Variants in NUBPL observed in about 807,000 individuals in gnomAD.
The protein encoded by NUBPL is iron-sulfur cluster transfer protein NUBPL.
NUBPL carries 31 observed loss-of-function variants against 45.7 expected under a neutral mutation model. That is an observed-to-expected ratio of 0.68 (90% CI 0.51 to 0.92). The LOEUF (loss-of-function observed/expected upper bound fraction) is 0.92, where lower values mean the gene tolerates loss of function less well. NUBPL is among the 40% of genes least tolerant of loss of function. The pLI is 0.00. For missense variants in NUBPL, 401 were observed against 398.7 expected (o/e 1.01, Z -0.05); for synonymous variants, 144 against 140.9 (o/e 1.02, Z -0.15).
chr14:31,652,683 T>G (rs2036039246), intron 4 of NUBPL, among the ~76,000 whole-genome samples: 1 of 152,160 alleles, frequency 6.6e-6, no homozygotes, highest in Non-Finnish European at 1.5e-5. Context: ...AAAACCAAAA[T>G]TTATAAAACC....
At chr14:31,818,407 A>G (rs780188819) in intron 7 of NUBPL, among the ~76,000 whole-genome samples, 4 of 152,162 alleles carry the variant, frequency 2.6e-5, no homozygotes, top group Non-Finnish European at 4.4e-5. Context: ...TAGCCTTCCA[A>G]AGTTCACATG....
At chr14:31,785,644 T>C (rs567734998) in intron 6 of NUBPL, among the ~76,000 whole-genome samples, 1 of 152,264 alleles carries the variant, frequency 6.6e-6, no homozygotes, top group South Asian at 2.1e-4. Context: ...ACTTCCTGAT[T>C]TGTTTGTCTG....
At chr14:31,684,210 G>C (rs1349967904) in intron 6 of NUBPL, among the ~76,000 whole-genome samples, 1 of 152,150 alleles carries the variant, frequency 6.6e-6, no homozygotes, top group Admixed American at 6.5e-5. Flanking sequence ...GTTGATGGTA[G>C]TTACCTCATC....
chr14:31,638,992 T>C (rs923271649), intron 4 of NUBPL, among the ~76,000 whole-genome samples: 1 of 152,186 alleles, frequency 6.6e-6, no homozygotes, highest in Non-Finnish European at 1.5e-5. Flanking sequence ...TTGTCTAAAT[T>C]TTTTTTCAAA....
chr14:31,755,998 CAG>C (rs755896098), intron 6 of NUBPL, among the ~76,000 whole-genome samples: 2 of 152,080 alleles, frequency 1.3e-5, no homozygotes, highest in Non-Finnish European at 2.9e-5. Flanking sequence ...TGTCAAAGAT[CAG>C]ATAGTTGTAG....
intron 7 of NUBPL, among the ~76,000 whole-genome samples, chr14:31,817,567 C>T (rs548746006): frequency 3.9e-5 from 6 of 152,238 alleles, no homozygotes; most frequent in Admixed American, 6.5e-5. Context: ...AATTTCATAT[C>T]GAGCCAAACT....
At chr14:31,806,911 G>C (rs188257752) in intron 7 of NUBPL, among the ~76,000 whole-genome samples, 1 of 152,178 alleles carries the variant, frequency 6.6e-6, no homozygotes, top group East Asian at 1.9e-4. Flanking sequence ...TCTGAATGAT[G>C]GTTTCTAGTT....
chr14:31,837,740 C>T (rs1010368156), intron 8 of NUBPL, among the ~76,000 whole-genome samples: 4 of 151,956 alleles, frequency 2.6e-5, no homozygotes, highest in East Asian at 1.9e-4. Flanking sequence ...GCAAGAGACC[C>T]GAGCAGGCAC....
At chr14:31,643,287 T>C (rs1304447651) in intron 4 of NUBPL, among the ~76,000 whole-genome samples, 1 of 152,174 alleles carries the variant, frequency 6.6e-6, no homozygotes, top group African/African-American at 2.4e-5. Context: ...ATGTTAGCTG[T>C]GGGTTATACG....
At chr14:31,681,786 A>G (rs1185837685) in intron 6 of NUBPL, among the ~76,000 whole-genome samples, 2 of 152,080 alleles carry the variant, frequency 1.3e-5, no homozygotes, top group African/African-American at 4.8e-5. Context: ...TCTTTTGCCT[A>G]CAAATATTTT....
intron 3 of NUBPL, among the ~76,000 whole-genome samples, chr14:31,586,151 T>C (rs1453619918): frequency 6.6e-6 from 1 of 152,144 alleles, no homozygotes; most frequent in African/African-American, 2.4e-5. Context: ...CAAATTCAGT[T>C]GAACCAATCC....
chr14:31,739,838 CT>C (rs2038245747), intron 6 of NUBPL, among the ~76,000 whole-genome samples: 1 of 152,186 alleles, frequency 6.6e-6, no homozygotes, highest in African/African-American at 2.4e-5. Flanking sequence ...CCTCTGACCC[CT>C]GATATGCACT....
intron 4 of NUBPL, among the ~76,000 whole-genome samples, chr14:31,665,375 C>A (rs556036955): frequency 1.1e-3 from 174 of 152,206 alleles, no homozygotes; most frequent in Non-Finnish European, 2.0e-3. Context: ...TATAAATTTC[C>A]CTCTAAACAC....
chr14:31,626,340 A>T (rs2035206617), intron 4 of NUBPL, among the ~76,000 whole-genome samples: 1 of 151,960 alleles, frequency 6.6e-6, no homozygotes, highest in Admixed American at 6.6e-5. Context: ...CGGGTTCACC[A>T]TGTTGATCAG....
At chr14:31,611,216 A>G (rs1005618606) in intron 4 of NUBPL, among the ~76,000 whole-genome samples, 2 of 152,232 alleles carry the variant, frequency 1.3e-5, no homozygotes, top group Non-Finnish European at 2.9e-5. Flanking sequence ...AGAACTGATA[A>G]ACAAGTTCAG....
At chr14:31,678,961 T>G (rs2139826546) in intron 6 of NUBPL, among the ~76,000 whole-genome samples, 1 of 152,294 alleles carries the variant, frequency 6.6e-6, no homozygotes, top group East Asian at 1.9e-4. Context: ...GAACTCAGGT[T>G]CCGACCTCTG....
intron 4 of NUBPL, among the ~76,000 whole-genome samples, chr14:31,624,890 A>G (rs574264584): frequency 4.3e-4 from 66 of 152,184 alleles, no homozygotes; most frequent in Non-Finnish European, 7.6e-4. Flanking sequence ...TGATTGTCAA[A>G]TCTTGGGGAT....
intron 6 of NUBPL, among the ~76,000 whole-genome samples, chr14:31,749,444 C>T (rs2038473371): frequency 6.6e-6 from 1 of 152,032 alleles, no homozygotes; most frequent in Non-Finnish European, 1.5e-5. Context: ...TTTATTTCAT[C>T]TTCATTTCCG....
intron 4 of NUBPL, among the ~76,000 whole-genome samples, chr14:31,651,898 C>CAAAAAAAAAAAAAAAGAAAA (rs2036016629): frequency 1.1e-5 from 1 of 91,410 alleles, no homozygotes; most frequent in Non-Finnish European, 2.6e-5. Context: ...GACTCTGTCT[C>CAAAAAAAAAAAAAAAGAAAA]AAAAAAAAAA....
Sources: allele counts gnomAD v4.1 joint callset (sites outside exome capture counted in the v4.1 genomes callset), GRCh38; gene constraint gnomAD v4.1.1; transcripts MANE v1.5; gene names NCBI Gene and HGNC (gene_info 2026-07-23, HGNC 2026-07-21).